The following RETREG1 variants were observed in gnomAD, a reference collection of about 807,000 sequenced individuals.
RETREG1 encodes the protein reticulophagy regulator 1.
A neutral mutation model predicts 54.8 loss-of-function variants in RETREG1; 44 were observed. That is an observed-to-expected ratio of 0.80 (90% CI 0.63 to 1.03). RETREG1 has a LOEUF of 1.03. Among genes scored for constraint, RETREG1 ranks in the 50% least tolerant of loss-of-function variants. RETREG1 has a pLI of 0.00. For synonymous variants in RETREG1, 217 were observed against 238.5 expected (o/e 0.91, Z 0.83); for missense variants, 554 against 605.1 (o/e 0.92, Z 0.89).
At chr5:16,549,087 C>G (rs555556893) in intron 3 of RETREG1, among the ~76,000 whole-genome samples, 1 of 152,286 alleles carries the variant, frequency 6.6e-6, no homozygotes, top group African/African-American at 2.4e-5. Flanking sequence ...CAGAGAAGAG[C>G]TTTTTTTCTA....
intron 3 of RETREG1, among the ~76,000 whole-genome samples, chr5:16,557,510 C>T (rs1741741916): frequency 6.6e-6 from 1 of 152,144 alleles, no homozygotes; most frequent in Non-Finnish European, 1.5e-5. Flanking sequence ...ACTTTCAGAC[C>T]AAATCTGAGC....
intron 3 of RETREG1, among the ~76,000 whole-genome samples, chr5:16,538,903 A>T (rs1276940140): frequency 6.6e-6 from 1 of 152,154 alleles, no homozygotes; most frequent in Non-Finnish European, 1.5e-5. Context: ...ACGGGGTTTC[A>T]ACATGTTAGC....
chr5:16,611,624 G>A (rs1243320214), intron 1 of RETREG1, among the ~76,000 whole-genome samples: 1 of 152,108 alleles, frequency 6.6e-6, no homozygotes, highest in East Asian at 1.9e-4. Flanking sequence ...TTTTCCAATA[G>A]CTTTATTCAT....
At chr5:16,534,384 C>T (rs1016874554) in intron 3 of RETREG1, among the ~76,000 whole-genome samples, 1 of 152,196 alleles carries the variant, frequency 6.6e-6, no homozygotes, top group African/African-American at 2.4e-5. Flanking sequence ...AACTGAGATG[C>T]AAGGTACCCA....
chr5:16,578,847 A>G (rs1742410280), intron 1 of RETREG1, among the ~76,000 whole-genome samples: 1 of 152,240 alleles, frequency 6.6e-6, no homozygotes, highest in South Asian at 2.1e-4. Context: ...AAAGCCAGGA[A>G]AGCAGACAGG....
At position 16,593,012 on chromosome 5, in the gene RETREG1, A is replaced by G. The variant is rs1477720793; in HGVS notation, c.321-20910T>C. ...CCCAAACTTTGATATGAGTTCACCTATATAACACACTTGAACTTAAAAGTT... is the reference window on the plus strand; with the variant it reads ...CCCAAACTTTGATATGAGTTCACCTGTATAACACACTTGAACTTAAAAGTT... On this transcript the variant is annotated intron_variant, in intron 1 of 8. Coordinates refer to ENST00000306320, the MANE Select transcript of RETREG1 (RefSeq NM_001034850.3). The surrounding 1 kb of genome is among the most constrained non-coding windows in gnomAD (Gnocchi z 4.9). Among the ~76,000 whole-genome samples the G allele has an allele frequency of 3.9e-5, 6 of 152,306 alleles. No individual in the cohort carries two copies. In the East Asian group the frequency reaches 1.2e-3, roughly 29 times the overall value.
At chr5:16,509,238 C>T (rs1325332910) in intron 3 of RETREG1, 1 of 155,870 alleles carries the variant, frequency 6.4e-6, no homozygotes, top group East Asian at 1.9e-4. Flanking sequence ...GCAAAAAGAT[C>T]CCTTACTCAA....
At chr5:16,519,221 C>T (rs1740453206) in intron 3 of RETREG1, among the ~76,000 whole-genome samples, 1 of 152,224 alleles carries the variant, frequency 6.6e-6, no homozygotes, top group Non-Finnish European at 1.5e-5. Context: ...CACACTGAGA[C>T]TTGTCCTAGA....
chr5:16,529,960 C>T (rs1351277412), intron 3 of RETREG1, among the ~76,000 whole-genome samples: 2 of 152,206 alleles, frequency 1.3e-5, no homozygotes, highest in African/African-American at 4.8e-5. Context: ...CAAAGAGCAG[C>T]ACCCTTTACT....
At chr5:16,483,267 A>C in intron 4 of RETREG1, 79 bp downstream of exon 4, 1 of 1,493,096 alleles carries the variant, frequency 6.7e-7, no homozygotes, top group Non-Finnish European at 9.3e-7. Flanking sequence ...GAAATCTGAC[A>C]AGCTGATAAA....
chr5:16,498,854 T>C (rs1385134743), intron 3 of RETREG1, among the ~76,000 whole-genome samples: 1 of 152,234 alleles, frequency 6.6e-6, no homozygotes, highest in Non-Finnish European at 1.5e-5. Flanking sequence ...ACTGTAGACT[T>C]TACAAACCCT....
At chr5:16,543,701 T>G (rs1378234935) in intron 3 of RETREG1, among the ~76,000 whole-genome samples, 1 of 150,002 alleles carries the variant, frequency 6.7e-6, no homozygotes, top group Non-Finnish European at 1.5e-5. Flanking sequence ...ACTGCCAAAC[T>G]GTTTGAGAAA....
chr5:16,519,019 T>G (rs1347732352), intron 3 of RETREG1, among the ~76,000 whole-genome samples: 1 of 152,122 alleles, frequency 6.6e-6, no homozygotes, highest in Non-Finnish European at 1.5e-5. Flanking sequence ...AAGAGGATAT[T>G]TTTCTCCTTA....
In RETREG1 at chr5:16,585,828, G is replaced by A. The variant is rs1249839617; in HGVS notation, c.321-13726C>T. On this transcript the variant is annotated intron_variant, in intron 1 of 8. Coordinates refer to ENST00000306320, the MANE Select transcript of RETREG1 (RefSeq NM_001034850.3). This position sits in a 1 kb window ranked among gnomAD's most constrained non-coding sequence, Gnocchi z 4.5. ...ATATGGTGGGAGCAGTGGCAAGAGGGAGTGTGGGGAGGGGGTGCCACATAT... is the reference window on the plus strand; with the variant it reads ...ATATGGTGGGAGCAGTGGCAAGAGGAAGTGTGGGGAGGGGGTGCCACATAT... 1.3e-5 allele frequency among the ~76,000 whole-genome samples: 2 copies of A among 152,050 alleles called. No homozygotes were observed. Among genetic ancestry groups the A allele is most frequent in the African/African-American group, 4.8e-5 (2 of 41,394 alleles).
At chr5:16,598,576 C>A (rs1439112154) in intron 1 of RETREG1, among the ~76,000 whole-genome samples, 1 of 152,238 alleles carries the variant, frequency 6.6e-6, no homozygotes, top group Non-Finnish European at 1.5e-5. Context: ...AGTGTGACCT[C>A]CCTGCAGTCA....
Position 16,474,689 on chromosome 5 carries a change from G to C in RETREG1, c.*52C>G, listed in dbSNP as rs879072708. 4.5e-6 allele frequency: 5 copies of C among 1,100,356 alleles called. No individual in the cohort carries two copies. In the African/African-American group the frequency reaches 8.4e-5, roughly 18 times the overall value. 68.2% of individuals were successfully genotyped at this position (1,100,356 alleles called of 1,614,324 possible). A position where few individuals can be genotyped will look rare whatever the true frequency, so the allele number is the denominator to read the frequency against. On this transcript the variant is annotated 3_prime_UTR_variant, in exon 9 of 9. Transcript: ENST00000306320. Reference sequence around the variant, plus strand: ...TTTTCCTTTTTTTTTTTTTTTTCTTGTTTGAAATTTTTTTGGTGTTTTTTG... The same window carrying C: ...TTTTCCTTTTTTTTTTTTTTTTCTTCTTTGAAATTTTTTTGGTGTTTTTTG...
intron 1 of RETREG1, among the ~76,000 whole-genome samples, chr5:16,609,350 T>C (rs1743277051): frequency 6.6e-6 from 1 of 152,194 alleles, no homozygotes; most frequent in Non-Finnish European, 1.5e-5. Flanking sequence ...AAGTTTGACT[T>C]TACTGAAGTC....
At position 16,611,013 on chromosome 5, in the gene RETREG1, C is replaced by A. The variant is rs555177635; in HGVS notation, c.320+5639G>T. Among the ~76,000 whole-genome samples the A allele has an allele frequency of 9.2e-5, 14 of 152,270 alleles. 1 individual carries two copies. The South Asian group carries it at 2.9e-3, about 32-fold the overall frequency. ...AAAGACTTGGAACCAACCCAAATGC[C>A]CATCAATGATAGACTGGATTAAGAA... On this transcript the variant is annotated intron_variant, in intron 1 of 8. Transcript: ENST00000306320.
At chr5:16,540,682 T>C (rs1308441445) in intron 3 of RETREG1, among the ~76,000 whole-genome samples, 1 of 152,166 alleles carries the variant, frequency 6.6e-6, no homozygotes, top group East Asian at 1.9e-4. Context: ...GCACTCCACA[T>C]GCATTAGCTC....
Sources: allele counts gnomAD v4.1 joint callset (sites outside exome capture counted in the v4.1 genomes callset), GRCh38; gene constraint gnomAD v4.1.1; non-coding constraint Gnocchi (gnomAD v3.1); transcripts MANE v1.5; gene names NCBI Gene and HGNC (gene_info 2026-07-23, HGNC 2026-07-21).